The following PKN3 variants were observed in gnomAD, a reference collection of about 807,000 sequenced individuals.
PKN3 encodes the protein serine/threonine-protein kinase N3.
PKN3 carries 91 observed loss-of-function variants against 113.1 expected under a neutral mutation model. The observed-to-expected ratio is 0.80, with a 90% CI of 0.68 to 0.96. The LOEUF (loss-of-function observed/expected upper bound fraction) is 0.96. PKN3 is among the 40% of genes least tolerant of loss of function. PKN3 has a pLI of 0.00. For synonymous variants in PKN3, 467 were observed against 499.0 expected (o/e 0.94, Z 0.85); for missense variants, 1,052 against 1,202.2 (o/e 0.88, Z 1.85).
chr9:128,704,396 C>T (rs1016529691), intron 1 of PKN3, among the ~76,000 whole-genome samples: 3 of 152,206 alleles, frequency 2.0e-5, no homozygotes, highest in African/African-American at 7.2e-5. Flanking sequence ...GGAACAAGCC[C>T]TGGCTCCCAG....
intron 6 of PKN3, among the ~76,000 whole-genome samples, chr9:128,711,635 G>T (rs186604847): frequency 0.024 from 3,528 of 147,962 alleles, 62 homozygotes; most frequent in South Asian, 0.045. Flanking sequence ...GTCTTGCTTT[G>T]TCGCCCAGGC....
Position 128,706,951 on chromosome 9 carries a change from G to A in PKN3, c.579G>A (p.Val193=). Residue 193 remains valine, a synonymous_variant, in exon 5 of 22, where the codon GTG becomes GTA. Transcript: ENST00000291906. ...LQHRLHVEAA[V]AEGAKNVVKL... ...ATCGACTGCACGTTGAGGCAGCTGT[G>A]GCTGAGGGCGCCAAGAACGTGGTGA... 1 of 1,614,214 alleles carries A rather than the reference G, an allele frequency of 6.2e-7. No homozygotes were observed. The highest frequency in any genetic ancestry group is 8.5e-7 in the Non-Finnish European group (1 of 1,180,028).
intron 8 of PKN3, 45 bp from the exon 9 acceptor site, chr9:128,713,454 G>A: frequency 6.2e-7 from 1 of 1,613,268 alleles, no homozygotes. Context: ...CCCAGGTCGG[G>A]GCTCGTTCTG....
At chr9:128,711,744 G>A (rs1161774878) in intron 6 of PKN3, among the ~76,000 whole-genome samples, 4 of 151,622 alleles carry the variant, frequency 2.6e-5, no homozygotes, top group African/African-American at 2.4e-5. Flanking sequence ...GATTACAGGC[G>A]CCCACCGCCA....
At chr9:128,712,492 C>T (rs1862208913) in intron 6 of PKN3, among the ~76,000 whole-genome samples, 1 of 152,162 alleles carries the variant, frequency 6.6e-6, no homozygotes, top group Non-Finnish European at 1.5e-5. Context: ...GATGGGGAAA[C>T]TGAGGCCCAG....
At chr9:128,705,225 C>G in intron 1 of PKN3, 78 bp from the exon 2 acceptor site, 6 of 1,521,304 alleles carry the variant, frequency 3.9e-6, no homozygotes, top group Non-Finnish European at 5.3e-6. Flanking sequence ...TCGCCTCCAT[C>G]TGCAGTGAGC....
At chr9:128,704,273 G>T (rs181219763) in intron 1 of PKN3, 1 of 481,536 alleles carries the variant, frequency 2.1e-6, no homozygotes, top group Non-Finnish European at 2.7e-6. Flanking sequence ...GGGTGAAGCC[G>T]TGAGAGAGCC....
chr9:128,702,885 G>C lies in PKN3; in HGVS notation c.-31G>C, dbSNP rs1199495948. Reference sequence around the variant, plus strand: ...CGGCTTCCGGGACCGGAGTGGCTGAGAGAAGGGCCCCAAGCGGCCGGAGCG... The same window carrying C: ...CGGCTTCCGGGACCGGAGTGGCTGACAGAAGGGCCCCAAGCGGCCGGAGCG... On this transcript the variant is annotated 5_prime_UTR_variant, in exon 1 of 22. Transcript: ENST00000291906. 1.4e-6 allele frequency: 2 copies of C among 1,477,566 alleles called. No homozygotes were observed. Among genetic ancestry groups the C allele is most frequent in the Admixed American group, 2.2e-5 (1 of 45,692 alleles). 91.5% of individuals were successfully genotyped at this position (1,477,566 alleles called of 1,614,324 possible). A position where few individuals can be genotyped will look rare whatever the true frequency, so the allele number is the denominator to read the frequency against.
At chr9:128,713,425 G>A (rs1247483695) in intron 8 of PKN3, 38 bp downstream of exon 8, 8 of 1,612,502 alleles carry the variant, frequency 5.0e-6, no homozygotes, top group East Asian at 2.2e-5. Context: ...GTGACCTTGG[G>A]CTGCGGGGTG....
In PKN3 at chr9:128,714,622, AC is replaced by A. The variant is rs1278819791; in HGVS notation, c.1543del (p.Arg515AlafsTer48). 14 of 1,439,418 alleles carry A rather than the reference AC, an allele frequency of 9.7e-6. No homozygotes were observed. The East Asian group carries it at 2.9e-4, about 30-fold the overall frequency. 89.2% of individuals were successfully genotyped at this position (1,439,418 alleles called of 1,614,324 possible). ...EEMTPPPKPP[R>X]LYLPQEPTSE... ...AGATGACACCCCCACCCAAGCCCCCACGCCTCTACCTCCCCCAGGAGCCAAC... is the reference window on the plus strand; with the variant it reads ...AGATGACACCCCCACCCAAGCCCCCAGCCTCTACCTCCCCCAGGAGCCAAC... On this transcript the variant is annotated frameshift_variant, in exon 12 of 22. Transcript: ENST00000291906. LOFTEE classifies it high-confidence loss of function.
chr9:128,705,711 G>A (rs1302557828), intron 2 of PKN3, 23 bp from the exon 3 acceptor site: 31 of 1,585,534 alleles, frequency 2.0e-5, no homozygotes, highest in Non-Finnish European at 2.7e-5. Flanking sequence ...AGGGACTCCT[G>A]TGCTCGATAC....
In PKN3 at chr9:128,715,592, C is replaced by A. The variant is rs1862316392; in HGVS notation, c.1808+132C>A. On this transcript the variant is annotated intron_variant, in intron 15 of 21. Transcript: ENST00000291906. The surrounding 1 kb of genome is among the most constrained non-coding windows in gnomAD (Gnocchi z 4.1). ...GCCAGCCTGCATTCTCTTTTGGCAC[C>A]TGCAGTTGTTAACTGTGTTTCCTTG... The A allele has an allele frequency of 3.1e-6, 2 of 644,360 alleles. No individual in the cohort carries two copies. Among genetic ancestry groups the A allele is most frequent in the Non-Finnish European group, 5.5e-6 (2 of 363,546 alleles). The allele number at this position is 644,360 out of a possible 1,614,324, so 39.9% of individuals were successfully genotyped here. A position where few individuals can be genotyped will look rare whatever the true frequency, so the allele number is the denominator to read the frequency against.
At chr9:128,704,833 G>C (rs1040933228) in intron 1 of PKN3, among the ~76,000 whole-genome samples, 2 of 151,600 alleles carry the variant, frequency 1.3e-5, no homozygotes, top group Non-Finnish European at 2.9e-5. Flanking sequence ...CAGGAGAATC[G>C]CTTGAACCCG....
Position 128,705,457 on chromosome 9 carries a change from C to A in PKN3, c.179C>A (p.Ser60Tyr). The change falls in exon 2 of 22, where the codon TCC (serine) becomes TAC (tyrosine). Residue 60 changes from serine to tyrosine, a missense_variant. Physicochemically the swap from Ser to Tyr is moderately radical, Grantham distance 144 (BLOSUM62 -2). This residue lies in a region of PKN3 where 719 missense variants were observed against 759.4 expected (regional missense o/e 0.95). Transcript: ENST00000291906. ...CATGTGCAGCAGCTGCTGCGGTCCT[C>A]CAACCGCCGCCTGGAGCAGCTGCAT... ...LGHVQQLLRSSNRRLEQLHGE... is the reference protein window; with the variant it reads ...LGHVQQLLRSYNRRLEQLHGE... 6.4e-7 allele frequency: 1 copy of A among 1,573,414 alleles called. No individual in the cohort carries two copies. Among genetic ancestry groups the A allele is most frequent in the Non-Finnish European group, 8.6e-7 (1 of 1,160,292 alleles).
Position 128,715,065 on chromosome 9 carries a change from C to T in PKN3, c.1653-107C>T. The stretch of plus-strand genomic sequence containing the variant: ...CCTTACTGCAGGGCTTTTTCGAGCC[C>T]ATAGGTCGGGACAGCCCAGGACTGG... On this transcript the variant is annotated intron_variant, in intron 13 of 21. Coordinates refer to ENST00000291906, the MANE Select transcript of PKN3 (RefSeq NM_013355.5). This position sits in a 1 kb window ranked among gnomAD's most constrained non-coding sequence, Gnocchi z 4.1. The T allele has an allele frequency of 7.9e-7, 1 of 1,262,138 alleles. No individual in the cohort carries two copies. The highest frequency in any genetic ancestry group is 1.1e-6 in the Non-Finnish European group (1 of 871,828). The allele number at this position is 1,262,138 out of a possible 1,614,324, so 78.2% of individuals were successfully genotyped here.
At position 128,707,007 on chromosome 9, in the gene PKN3, G is replaced by T; in HGVS notation, c.635G>T (p.Arg212Leu). Residue 212 changes from arginine to leucine, a missense_variant, in exon 5 of 22, where the codon CGC becomes CTC. Around this residue, in one of 2 missense-constraint regions of PKN3, gnomAD observed 719 missense variants for 759.4 expected, o/e 0.95. Coordinates refer to ENST00000291906, the MANE Select transcript of PKN3 (RefSeq NM_013355.5). The stretch of plus-strand genomic sequence containing the variant: ...CTTAGTAGCCGGAGAACACAGGACC[G>T]CAAGGCACTGGCTGAGGTCAGGCCC... ...KLLSSRRTQDRKALAEAQAQL... is the reference protein window; with the variant it reads ...KLLSSRRTQDLKALAEAQAQL... The T allele has an allele frequency of 6.2e-7, 1 of 1,614,116 alleles. No individual in the cohort carries two copies. The highest frequency in any genetic ancestry group is 8.5e-7 in the Non-Finnish European group (1 of 1,179,992).
At chr9:128,704,888 A>G (rs1437616827) in intron 1 of PKN3, among the ~76,000 whole-genome samples, 1 of 151,516 alleles carries the variant, frequency 6.6e-6, no homozygotes, top group African/African-American at 2.4e-5. Context: ...ATGGCACTCC[A>G]GCCTGGGCAA....
chr9:128,703,545 A>G lies in PKN3; in HGVS notation c.24+606A>G, dbSNP rs970131892. On this transcript the variant is annotated intron_variant, in intron 1 of 21. Coordinates refer to ENST00000291906, the MANE Select transcript of PKN3 (RefSeq NM_013355.5). ...TGGCAGTAGGTGCGCGTGGGCCCGGAGGACCGAGGCCATGTCTATCTGCTC... is the reference window on the plus strand; with the variant it reads ...TGGCAGTAGGTGCGCGTGGGCCCGGGGGACCGAGGCCATGTCTATCTGCTC... 7.1e-6 allele frequency: 7 copies of G among 985,184 alleles called. No homozygotes were observed. The African/African-American group carries it at 1.2e-4, about 17-fold the overall frequency. 61.0% of individuals were successfully genotyped at this position (985,184 alleles called of 1,614,324 possible).
rs1862283815 is a variant in PKN3, at chr9:128,714,596, G to C, written c.1516G>C (p.Glu506Gln). ...FLPKKTPLGE[E>Q]MTPPPKPPRL... ...GCCCAAGAAGACCCCCTTGGGTGAA[G>C]AGATGACACCCCCACCCAAGCCCCC... The change falls in exon 12 of 22, where the codon GAG becomes CAG. Residue 506 changes from glutamate (E) to glutamine (Q), a missense_variant. Physicochemically the swap from Glu to Gln is conservative, Grantham distance 29. Transcript: ENST00000291906. 4 of 1,366,526 alleles carry C rather than the reference G, an allele frequency of 2.9e-6. No individual in the cohort carries two copies. The highest frequency in any genetic ancestry group is 4.2e-6 in the Non-Finnish European group (4 of 953,826). The allele number at this position is 1,366,526 out of a possible 1,614,324, so 84.7% of individuals were successfully genotyped here.
Sources: gnomAD v4.1 joint callset for allele counts (sites outside exome capture counted in the v4.1 genomes callset) on GRCh38, gnomAD v4.1.1 for gene constraint, gnomAD v4.1.1 regional missense constraint, Gnocchi (gnomAD v3.1) non-coding constraint, MANE v1.5 for transcripts, NCBI Gene and HGNC (gene_info 2026-07-23, HGNC 2026-07-21) for gene names.